The following PDIA6 variants were observed in gnomAD, a reference collection of about 807,000 sequenced individuals.
The protein encoded by PDIA6 is protein disulfide-isomerase A6.
In PDIA6, 29 loss-of-function variants were observed where a neutral mutation model predicts 58.4. That is an observed-to-expected ratio of 0.50 (90% confidence interval 0.37 to 0.68). The LOEUF is 0.68. Among genes scored for constraint, PDIA6 ranks in the 30% least tolerant of loss-of-function variants. The probability of loss-of-function intolerance (pLI) is 0.00; values close to 1 mark genes in which losing one functional copy is unlikely to be tolerated. For synonymous variants in PDIA6, 192 were observed against 202.6 expected, an observed-to-expected ratio of 0.95 and a Z score of 0.44; for missense variants, 480 against 551.0, an observed-to-expected ratio of 0.87 and a Z score of 1.29.
intron 1 of PDIA6, among the ~76,000 whole-genome samples, chr2:10,825,660 C>T (rs564618361): frequency 6.6e-6 from 1 of 152,076 alleles, no homozygotes; most frequent in South Asian, 2.1e-4. Context: ...TTAAAAATGC[C>T]CAAAGGATCT....
chr2:10,797,856 G>A (rs1191478466), intron 2 of PDIA6, 99 bp from the exon 3 acceptor site: 4 of 866,598 alleles, frequency 4.6e-6, no homozygotes, highest in African/African-American at 1.7e-5. Flanking sequence ...ATGGTCTATT[G>A]AATGAGATGC....
intron 1 of PDIA6, among the ~76,000 whole-genome samples, chr2:10,803,126 T>C (rs1337599858): frequency 6.6e-6 from 1 of 152,236 alleles, no homozygotes; most frequent in Admixed American, 6.5e-5. Context: ...TCTCTTCCAC[T>C]AGATTGTGAC....
intron 1 of PDIA6, among the ~76,000 whole-genome samples, chr2:10,829,803 T>A (rs994992320): frequency 1.1e-4 from 17 of 152,214 alleles, no homozygotes; most frequent in African/African-American, 4.1e-4. Flanking sequence ...CTGAAGTCCA[T>A]CCCTGGATTC....
intron 1 of PDIA6, chr2:10,821,057 C>T (rs1313882759): frequency 1.7e-5 from 9 of 535,244 alleles, no homozygotes; most frequent in Admixed American, 6.6e-5. Context: ...ACAGAATTTT[C>T]AGGTCGTGTT....
chr2:10,816,522 C>CTTTTTTTTTT (rs772701227), upstream of PDIA6, among the ~76,000 whole-genome samples: 308 of 138,088 alleles, frequency 2.2e-3, 6 homozygotes, highest in African/African-American at 8.1e-3. Context: ...CCTTTTTGTG[C>CTTTTTTTTTT]TTTCTTTTTT....
chr2:10,813,961 G>T (rs1558457823), upstream of PDIA6, among the ~76,000 whole-genome samples: 1 of 152,084 alleles, frequency 6.6e-6, no homozygotes, highest in Non-Finnish European at 1.5e-5. Context: ...CCGACCTCAG[G>T]TGATCCGCCT....
intron 11 of PDIA6, among the ~76,000 whole-genome samples, chr2:10,785,956 C>T (rs1416847966): frequency 2.0e-5 from 3 of 152,054 alleles, no homozygotes; most frequent in East Asian, 3.9e-4. Context: ...TCAAGTGATC[C>T]GCCTGCCTCA....
chr2:10,790,981 G>T (rs1666009406), intron 6 of PDIA6, 148 bp from the exon 7 acceptor site: 1 of 616,632 alleles, frequency 1.6e-6, no homozygotes, highest in African/African-American at 1.8e-5. Flanking sequence ...AACATAGCTG[G>T]GACTACAGGT....
At chr2:10,791,285 A>T (rs1666023782) in intron 6 of PDIA6, among the ~76,000 whole-genome samples, 1 of 151,908 alleles carries the variant, frequency 6.6e-6, no homozygotes, top group Non-Finnish European at 1.5e-5. Flanking sequence ...CTGGGACTAC[A>T]GGCACACGCC....
At chr2:10,800,223 T>C (rs1483517814) in intron 2 of PDIA6, among the ~76,000 whole-genome samples, 1 of 152,224 alleles carries the variant, frequency 6.6e-6, no homozygotes, top group East Asian at 1.9e-4. Flanking sequence ...GGTACCGGTT[T>C]AGCATCTCTA....
chr2:10,798,007 G>C (rs1187180684), intron 2 of PDIA6, among the ~76,000 whole-genome samples: 2 of 152,006 alleles, frequency 1.3e-5, no homozygotes, highest in Non-Finnish European at 2.9e-5. Context: ...CTAACATGGT[G>C]AAACCCCGTC....
At chr2:10,802,838 G>C (rs1401175927) in intron 1 of PDIA6, among the ~76,000 whole-genome samples, 198 bp from the exon 2 acceptor site, 1 of 152,168 alleles carries the variant, frequency 6.6e-6, no homozygotes, top group Non-Finnish European at 1.5e-5. Context: ...AGCAAGAAAG[G>C]AACGGACGGT....
intron 4 of PDIA6, among the ~76,000 whole-genome samples, chr2:10,796,361 A>G (rs1666268661): frequency 2.0e-5 from 3 of 152,028 alleles, no homozygotes; most frequent in African/African-American, 7.2e-5. Flanking sequence ...CCCGTTTGTG[A>G]TATCTTAATT....
At chr2:10,785,365 C>T (rs532332133) in intron 11 of PDIA6, among the ~76,000 whole-genome samples, 1 of 152,168 alleles carries the variant, frequency 6.6e-6, no homozygotes, top group Non-Finnish European at 1.5e-5. Flanking sequence ...GGGCTGCCTG[C>T]GAGCTTTCTA....
intron 4 of PDIA6, among the ~76,000 whole-genome samples, chr2:10,796,299 C>T (rs906932673): frequency 2.6e-5 from 4 of 151,934 alleles, no homozygotes; most frequent in African/African-American, 9.7e-5. Context: ...GTGATCCGCC[C>T]GTCTTGGCCT....
chr2:10,823,585 GCAC>G (rs1276708571), intron 1 of PDIA6, among the ~76,000 whole-genome samples: 1 of 152,182 alleles, frequency 6.6e-6, no homozygotes, highest in East Asian at 1.9e-4. Context: ...GATAATTCGA[GCAC>G]CAAAACATAT....
intron 1 of PDIA6, chr2:10,810,175 T>C (rs1666943297): frequency 1.3e-6 from 1 of 785,762 alleles, no homozygotes; most frequent in African/African-American, 1.7e-5. Flanking sequence ...AAGAACCCTA[T>C]GTGGTATGTG....
intron 5 of PDIA6, among the ~76,000 whole-genome samples, chr2:10,792,483 T>C (rs1177694988): frequency 6.6e-6 from 1 of 152,214 alleles, no homozygotes; most frequent in African/African-American, 2.4e-5. Flanking sequence ...GGCAAGAGCA[T>C]GAAATCTCTG....
upstream of PDIA6, among the ~76,000 whole-genome samples, chr2:10,815,159 G>T (rs1002221498): frequency 1.3e-5 from 2 of 151,814 alleles, no homozygotes; most frequent in African/African-American, 4.8e-5. Flanking sequence ...CAGGCCTCCG[G>T]AAATGCACAG....
Sources: gnomAD v4.1 joint callset for allele counts (sites outside exome capture counted in the v4.1 genomes callset) on GRCh38, gnomAD v4.1.1 for gene constraint, MANE v1.5 for transcripts, NCBI Gene and HGNC (gene_info 2026-07-23, HGNC 2026-07-21) for gene names.